KPNA1: variants seen among roughly 807,000 people sequenced by gnomAD.
KPNA1 encodes karyopherin subunit alpha 1.
Under a neutral mutation model 70.5 loss-of-function variants are expected in KPNA1, and 10 were observed. That is an observed-to-expected ratio of 0.14 (90% CI 0.09 to 0.24). The LOEUF is 0.24. Among genes scored for constraint, KPNA1 ranks in the 10% least tolerant of loss-of-function variants. The pLI, the probability that KPNA1 is intolerant of heterozygous loss-of-function variation, is 1.00. For synonymous variants in KPNA1, 192 were observed against 221.9 expected (o/e 0.87, Z 1.20); for missense variants, 397 against 637.9 (o/e 0.62, Z 4.07).
At chr3:122,504,576 G>A (rs191018736) in intron 1 of KPNA1, among the ~76,000 whole-genome samples, 19 of 152,264 alleles carry the variant, frequency 1.2e-4, no homozygotes, top group African/African-American at 3.8e-4. Flanking sequence ...AGGGGTTGAC[G>A]GAAACCCTGT....
intron 2 of KPNA1, among the ~76,000 whole-genome samples, chr3:122,493,786 T>C (rs2076727239): frequency 6.6e-6 from 1 of 152,216 alleles, no homozygotes. Flanking sequence ...GATTTCACCA[T>C]CTTGGCCAGG....
chr3:122,447,475 C>A (rs1308973281), intron 9 of KPNA1, among the ~76,000 whole-genome samples: 12 of 152,174 alleles, frequency 7.9e-5, no homozygotes, highest in African/African-American at 2.9e-4. Flanking sequence ...TTCAACAGCC[C>A]TTCATGCTAA....
intron 2 of KPNA1, among the ~76,000 whole-genome samples, chr3:122,474,313 A>G (rs964610643): frequency 6.6e-6 from 1 of 152,198 alleles, no homozygotes; most frequent in Admixed American, 6.5e-5. Flanking sequence ...ACAATCCCAG[A>G]AAGTTATTTT....
intron 1 of KPNA1, among the ~76,000 whole-genome samples, chr3:122,507,169 A>G (rs1372850625): frequency 1.3e-5 from 2 of 152,240 alleles, no homozygotes; most frequent in African/African-American, 4.8e-5. Context: ...AGCTGGGCGC[A>G]GTAGTTCACA....
intron 1 of KPNA1, among the ~76,000 whole-genome samples, chr3:122,498,869 T>C (rs2076792659): frequency 6.6e-6 from 1 of 152,206 alleles, no homozygotes; most frequent in Admixed American, 6.5e-5. Context: ...TGCTAAATCT[T>C]CCACTTATTT....
intron 2 of KPNA1, among the ~76,000 whole-genome samples, chr3:122,486,491 T>C (rs2076630358): frequency 6.6e-6 from 1 of 152,334 alleles, no homozygotes. Flanking sequence ...CTGGGTGAGA[T>C]GAATATGTTC....
intron 1 of KPNA1, among the ~76,000 whole-genome samples, chr3:122,510,392 G>C (rs947923800): frequency 6.6e-6 from 1 of 152,166 alleles, no homozygotes; most frequent in South Asian, 2.1e-4. Flanking sequence ...ATTGCATTAA[G>C]AGGTTCCAGG....
In KPNA1 at chr3:122,453,810, G is replaced by A. The variant is rs145656197; in HGVS notation, c.564+60C>T. The A allele has an allele frequency of 3.0e-5, 47 of 1,541,046 alleles. No individual in the cohort carries two copies. The African/African-American group carries it at 5.7e-4, about 19-fold the overall frequency. On this transcript the variant is annotated intron_variant, in intron 6 of 13. Coordinates refer to ENST00000344337, the MANE Select transcript of KPNA1 (RefSeq NM_002264.4). ...CTCCCAAAATGTTGGGATTACAGGA[G>A]TGAGCGACATGCCCAGCCAAAAACT...
intron 2 of KPNA1, among the ~76,000 whole-genome samples, chr3:122,469,965 C>G (rs2076422891): frequency 6.6e-6 from 1 of 151,904 alleles, no homozygotes; most frequent in Non-Finnish European, 1.5e-5. Flanking sequence ...TTTCAGAATA[C>G]TAAGGAAATT....
chr3:122,442,514 G>C (rs2107728039), intron 9 of KPNA1, among the ~76,000 whole-genome samples: 1 of 152,158 alleles, frequency 6.6e-6, no homozygotes, highest in African/African-American at 2.4e-5. Flanking sequence ...TTAATTTTCA[G>C]ACGTAAAAGT....
chr3:122,445,042 C>G (rs994656052), intron 9 of KPNA1, among the ~76,000 whole-genome samples: 3 of 152,108 alleles, frequency 2.0e-5, no homozygotes, highest in African/African-American at 7.2e-5. Context: ...CAAAGCTGGA[C>G]GGAGAATAAC....
chr3:122,467,492 C>T, intron 2 of KPNA1, 63 bp from the exon 3 acceptor site: 1 of 931,408 alleles, frequency 1.1e-6, no homozygotes, highest in East Asian at 2.6e-5. Flanking sequence ...GTTCAACATT[C>T]AAATACTAGG....
At chr3:122,439,042 C>A in intron 10 of KPNA1, among the ~76,000 whole-genome samples, 1 of 151,922 alleles carries the variant, frequency 6.6e-6, no homozygotes, top group East Asian at 1.9e-4. Context: ...GAAAGAAATG[C>A]AAATTAAAAT....
At chr3:122,440,104 CTATATAT>C (rs2076043388) in intron 10 of KPNA1, among the ~76,000 whole-genome samples, 1 of 152,032 alleles carries the variant, frequency 6.6e-6, no homozygotes, top group Non-Finnish European at 1.5e-5. Context: ...CTTTAAGTCC[CTATATAT>C]TGTGCCAGAA....
intron 2 of KPNA1, among the ~76,000 whole-genome samples, chr3:122,479,862 A>G (rs1472063711): frequency 6.6e-6 from 1 of 152,208 alleles, no homozygotes; most frequent in African/African-American, 2.4e-5. Flanking sequence ...AATCCTTCCC[A>G]CAAATGTATA....
At chr3:122,457,580 G>A (rs757473844) in intron 5 of KPNA1, 25 of 588,834 alleles carry the variant, frequency 4.2e-5, no homozygotes, top group Non-Finnish European at 5.8e-5. Context: ...ATTTTTCACT[G>A]TCCTGAACTC....
intron 12 of KPNA1, chr3:122,432,901 G>A (rs1038497367): frequency 1.3e-5 from 2 of 152,302 alleles, no homozygotes; most frequent in Non-Finnish European, 1.5e-5. Context: ...GCCAACAGGG[G>A]AAAACTCCGT....
rs1322917071 is a variant in KPNA1 at position 122,440,651 on chromosome 3, C to A, written c.996+1387G>T. Among the ~76,000 whole-genome samples, 3 of 152,196 alleles carry A rather than the reference C, an allele frequency of 2.0e-5. No homozygotes were observed. In the East Asian group the frequency reaches 5.8e-4, roughly 29 times the overall value. ...ATTTTCAGTTCCCTGTATATCCTTC[C>A]AGAGAAATTTTATGCAAATATAGTC... On this transcript the variant is annotated intron_variant, in intron 10 of 13. Coordinates refer to ENST00000344337, the MANE Select transcript of KPNA1 (RefSeq NM_002264.4).
intron 8 of KPNA1, 36 bp from the exon 9 acceptor site, chr3:122,449,773 G>C (rs745365676): frequency 6.4e-7 from 1 of 1,571,100 alleles, no homozygotes; most frequent in East Asian, 2.3e-5. Flanking sequence ...AAATTCAATA[G>C]ACTAAAAGCC....
Sources: gnomAD v4.1 joint callset for allele counts (sites outside exome capture counted in the v4.1 genomes callset) on GRCh38, gnomAD v4.1.1 for gene constraint, MANE v1.5 for transcripts, NCBI Gene and HGNC (gene_info 2026-07-23, HGNC 2026-07-21) for gene names.